Variants in PRR29 observed in about 807,000 individuals in gnomAD.
PRR29 encodes proline-rich protein 29.
A neutral mutation model predicts 25.1 loss-of-function variants in PRR29; 20 were observed. That is an observed-to-expected ratio of 0.80 (90% confidence interval 0.56 to 1.16). The LOEUF is 1.16. PRR29 is among the 50% of genes most tolerant of loss of function. The pLI, the probability that PRR29 is intolerant of heterozygous loss-of-function variation, is 0.00. For missense variants in PRR29, 238 were observed against 246.6 expected (o/e 0.97, Z 0.23); for synonymous variants, 108 against 102.6 (o/e 1.05, Z -0.32).
chr17:64,001,720 C>T lies in PRR29; in HGVS notation c.542-13C>T, dbSNP rs1910777102. 6.5e-7 allele frequency: 1 copy of T among 1,536,658 alleles called. No homozygotes were observed. Among genetic ancestry groups the T allele is most frequent in the Non-Finnish European group, 8.7e-7 (1 of 1,146,642 alleles). On this transcript the variant is annotated splice_polypyrimidine_tract_variant and intron_variant, in intron 5 of 5. Transcript: ENST00000412177. ...GACAGGAGGGAGTCAAGATGAGGTT[C>T]TTGTTTCCCCAGACTACTATGATGC...
chr17:63,999,357 C>A, intron 3 of PRR29: 1 of 514,914 alleles, frequency 1.9e-6, no homozygotes. Context: ...AGGTAGGCAC[C>A]CTGGTAACCC....
chr17:63,999,491 G>A (rs559985809), intron 3 of PRR29: 81 of 231,976 alleles, frequency 3.5e-4, no homozygotes, highest in South Asian at 3.0e-3. Flanking sequence ...TGGCTGTGAT[G>A]GCACATGGAG....
chr17:64,003,502 A>G lies in PRR29; in HGVS notation c.*1741A>G. ...GGGGACTTGGAAAGAACTTCAGGGA[A>G]GAGGGAGAGTAAGAGGGAAGCCTCA... On this transcript the variant is annotated 3_prime_UTR_variant, in exon 6 of 6. Coordinates refer to ENST00000412177, the MANE Select transcript of PRR29 (RefSeq NM_001164257.2). 1 of 756,516 alleles carries G rather than the reference A, an allele frequency of 1.3e-6. No homozygotes were observed. Among genetic ancestry groups the G allele is most frequent in the Non-Finnish European group, 2.2e-6 (1 of 456,206 alleles). 46.9% of individuals were successfully genotyped at this position (756,516 alleles called of 1,614,324 possible).
At position 64,003,250 on chromosome 17, in the gene PRR29, CCTT is replaced by C; in HGVS notation, c.*1493_*1495del. On this transcript the variant is annotated 3_prime_UTR_variant, in exon 6 of 6. Transcript: ENST00000412177. Reference sequence around the variant, plus strand: ...AGGGTGGCATGGTCCCAGCCAAGCCCCTTCTTGGGCAGAGCTGAGTGAACTTCA... The same window carrying C: ...AGGGTGGCATGGTCCCAGCCAAGCCCCTTGGGCAGAGCTGAGTGAACTTCA... 2.3e-6 allele frequency: 1 copy of C among 428,244 alleles called. No homozygotes were observed. The highest frequency in any genetic ancestry group is 2.0e-5 in the African/African-American group (1 of 50,536). 26.5% of individuals were successfully genotyped at this position (428,244 alleles called of 1,614,324 possible).
In PRR29 at chr17:64,003,035, C is replaced by T; in HGVS notation, c.*1274C>T. 1 of 850,946 alleles carries T rather than the reference C, an allele frequency of 1.2e-6. No homozygotes were observed. Among genetic ancestry groups the T allele is most frequent in the Non-Finnish European group, 1.8e-6 (1 of 548,368 alleles). 52.7% of individuals were successfully genotyped at this position (850,946 alleles called of 1,614,324 possible). A position where few individuals can be genotyped will look rare whatever the true frequency, so the allele number is the denominator to read the frequency against. ...CCAGACCCCCAGACCCCGCCGCCCG[C>T]TCATGCATCCAGCAGTCACCCCAGT... On this transcript the variant is annotated 3_prime_UTR_variant, in exon 6 of 6. Transcript: ENST00000412177.
Position 63,999,975 on chromosome 17 carries a change from T to C in PRR29, c.243+901T>C, listed in dbSNP as rs552578647. The C allele has an allele frequency of 6.6e-5, 10 of 152,606 alleles. No homozygotes were observed. The East Asian group carries it at 1.9e-3, about 29-fold the overall frequency. 9.5% of individuals were successfully genotyped at this position (152,606 alleles called of 1,614,324 possible). The stretch of plus-strand genomic sequence containing the variant: ...CTAAGGCTGAGCCTTACTCAGCCAA[T>C]AGTGGGCATCCTGAGGTCAGGAGAA... On this transcript the variant is annotated intron_variant, in intron 3 of 5. Transcript: ENST00000412177.
rs1399139681 is a variant in PRR29 at position 64,001,526 on chromosome 17, C to T, written c.530C>T (p.Pro177Leu). 4 of 1,517,672 alleles carry T rather than the reference C, an allele frequency of 2.6e-6. No individual in the cohort carries two copies. In the South Asian group the frequency reaches 3.7e-5, roughly 14 times the overall value. 94.0% of individuals were successfully genotyped at this position (1,517,672 alleles called of 1,614,324 possible). ...SATGTVGADVPPASDYYDAES... is the reference protein window; with the variant it reads ...SATGTVGADVLPASDYYDAES... ...ACAGGGACTGTGGGTGCTGATGTAC[C>T]CCCGGCTTCAGGTAGGGCTGGGGTG... Residue 177 changes from proline to leucine, a missense_variant, in exon 5 of 6, where the codon CCC (proline) becomes CTC (leucine). Transcript: ENST00000412177.
chr17:64,001,304 G>C lies in PRR29; in HGVS notation c.464G>C (p.Arg155Thr). Residue 155 changes from arginine (R) to threonine (T), a missense_variant, in exon 4 of 6, where the codon AGG becomes ACG. Transcript: ENST00000412177. ...CAGCACTGTCCTGCCTCCAGGGAAA[G>C]GGAGGTGTAAGTGAGGCTGGGTGCT... ...RIQHCPASRE[R>T]EVRAVPPPPP... is the part of the protein sequence containing the mutation. 2.0e-6 allele frequency: 3 copies of C among 1,535,482 alleles called. No individual in the cohort carries two copies. Among genetic ancestry groups the C allele is most frequent in the Non-Finnish European group, 2.6e-6 (3 of 1,145,464 alleles).
At position 63,998,796 on chromosome 17, in the gene PRR29, G is replaced by GGGGGCCCCCCCCCCCCCC; in HGVS notation, c.136+14_136+15insGGGGCCCCCCCCCCCCCC. On this transcript the variant is annotated intron_variant, in intron 2 of 5. Transcript: ENST00000412177. The stretch of plus-strand genomic sequence containing the variant: ...GCGTGAAGGAAGGTGAGACTCCCGG[G>GGGGGCCCCCCCCCCCCCC]TCCCCCCACCCCACCCCCACCATCA... 2 of 1,345,614 alleles carry GGGGGCCCCCCCCCCCCCC rather than the reference G, an allele frequency of 1.5e-6. No individual in the cohort carries two copies. Among genetic ancestry groups the GGGGGCCCCCCCCCCCCCC allele is most frequent in the Non-Finnish European group, 2.0e-6 (2 of 975,988 alleles). 83.4% of individuals were successfully genotyped at this position (1,345,614 alleles called of 1,614,324 possible). A position where few individuals can be genotyped will look rare whatever the true frequency, so the allele number is the denominator to read the frequency against.
chr17:64,001,035 G>T, intron 3 of PRR29, 49 bp from the exon 4 acceptor site: 1 of 1,433,878 alleles, frequency 7.0e-7, no homozygotes, highest in Non-Finnish European at 9.5e-7. Context: ...GGTGGGGAGA[G>T]CCTGATGGTA....
Position 64,002,559 on chromosome 17 carries a change from T to C in PRR29, c.*798T>C. ...CCATGGTGGCTCCCCTCCCTGGCCA[T>C]TGTTATCCCAGGAGGAGACACTGTG... is the stretch of plus-strand genomic sequence containing the variant. On this transcript the variant is annotated 3_prime_UTR_variant, in exon 6 of 6. Coordinates refer to ENST00000412177, the MANE Select transcript of PRR29 (RefSeq NM_001164257.2). The C allele has an allele frequency of 1.7e-6, 1 of 589,374 alleles. No individual in the cohort carries two copies. Among genetic ancestry groups the C allele is most frequent in the Non-Finnish European group, 2.9e-6 (1 of 340,272 alleles). 36.5% of individuals were successfully genotyped at this position (589,374 alleles called of 1,614,324 possible). A position where few individuals can be genotyped will look rare whatever the true frequency, so the allele number is the denominator to read the frequency against.
In PRR29 at chr17:64,004,091, C is replaced by T; in HGVS notation, c.*2330C>T. Reference sequence around the variant, plus strand: ...TGGGGAGGAGGTGGCCTGGCCGGCTCCAGTGCAGAGAGGAAGAGGGCAGCA... The same window carrying T: ...TGGGGAGGAGGTGGCCTGGCCGGCTTCAGTGCAGAGAGGAAGAGGGCAGCA... On this transcript the variant is annotated 3_prime_UTR_variant, in exon 6 of 6. Transcript: ENST00000412177. 1 of 687,398 alleles carries T rather than the reference C, an allele frequency of 1.5e-6. No homozygotes were observed. The highest frequency in any genetic ancestry group is 1.9e-5 in the South Asian group (1 of 53,120). 42.6% of individuals were successfully genotyped at this position (687,398 alleles called of 1,614,324 possible). A position where few individuals can be genotyped will look rare whatever the true frequency, so the allele number is the denominator to read the frequency against.
rs1477506062 is a variant in PRR29 at position 64,002,625 on chromosome 17, A to T, written c.*864A>T. ...CCAGGTGTTTGTATTCGGGCTAGAA[A>T]AGGCAATGTCCCAAGTCTCTGCTGC... On this transcript the variant is annotated 3_prime_UTR_variant, in exon 6 of 6. Transcript: ENST00000412177. 3.5e-6 allele frequency: 3 copies of T among 853,480 alleles called. No individual in the cohort carries two copies. The highest frequency in any genetic ancestry group is 3.6e-6 in the Non-Finnish European group (2 of 555,368). The allele number at this position is 853,480 out of a possible 1,614,324, so 52.9% of individuals were successfully genotyped here. A position where few individuals can be genotyped will look rare whatever the true frequency, so the allele number is the denominator to read the frequency against.
Position 63,998,797 on chromosome 17 carries a change from T to TGGCCCCCCCCCCCCCCCCCC in PRR29, c.136+15_136+16insGGCCCCCCCCCCCCCCCCCC. 9.4e-7 allele frequency: 1 copy of TGGCCCCCCCCCCCCCCCCCC among 1,062,606 alleles called. No individual in the cohort carries two copies. The highest frequency in any genetic ancestry group is 1.3e-6 in the Non-Finnish European group (1 of 761,704). 65.8% of individuals were successfully genotyped at this position (1,062,606 alleles called of 1,614,324 possible). A position where few individuals can be genotyped will look rare whatever the true frequency, so the allele number is the denominator to read the frequency against. On this transcript the variant is annotated intron_variant, in intron 2 of 5. Transcript: ENST00000412177. ...CGTGAAGGAAGGTGAGACTCCCGGG[T>TGGCCCCCCCCCCCCCCCCCC]CCCCCCACCCCACCCCCACCATCAC...
At chr17:64,000,819 AT>A (rs55731979) in intron 3 of PRR29, 16,619 of 304,404 alleles carry the variant, frequency 0.055, 147 homozygotes, top group Admixed American at 0.12. Flanking sequence ...TGCCCAGCTA[AT>A]TTTTTTTTTT....
At position 64,003,868 on chromosome 17, in the gene PRR29, A is replaced by T; in HGVS notation, c.*2107A>T. 6.2e-7 allele frequency: 1 copy of T among 1,614,248 alleles called. No homozygotes were observed. Among genetic ancestry groups the T allele is most frequent in the Non-Finnish European group, 8.5e-7 (1 of 1,180,034 alleles). ...GAACAGGAAGAGGGTGAGGCTGTCC[A>T]GGGGCTCCACGGTGGGCACCCTGCA... On this transcript the variant is annotated 3_prime_UTR_variant, in exon 6 of 6. Transcript: ENST00000412177.
rs1323420916 is a variant in PRR29 at position 63,998,713 on chromosome 17, G to A, written c.67G>A (p.Val23Ile). ...PPQSAVPTPW[V>I]TFLQPLSWAV... The stretch of plus-strand genomic sequence containing the variant: ...ACTCCGCGCACACCCCCAGCCCTGG[G>A]TCACCTTCCTGCAGCCCCTCTCGTG... Residue 23 changes from valine to isoleucine, a missense_variant, in exon 2 of 6, where the codon GTC (valine) becomes ATC (isoleucine). Transcript: ENST00000412177. The A allele has an allele frequency of 1.3e-6, 2 of 1,525,790 alleles. No individual in the cohort carries two copies. Among genetic ancestry groups the A allele is most frequent in the Non-Finnish European group, 1.8e-6 (2 of 1,141,418 alleles). The allele number at this position is 1,525,790 out of a possible 1,614,324, so 94.5% of individuals were successfully genotyped here. A position where few individuals can be genotyped will look rare whatever the true frequency, so the allele number is the denominator to read the frequency against.
rs1238216070 is a variant in PRR29 at position 64,003,568 on chromosome 17, G to A, written c.*1807G>A. ...TCCTGGGTGTTTGCTTCCCAAGTGGGACTCAAGATTTTTCTTCCCCCGAGG... is the reference window on the plus strand; with the variant it reads ...TCCTGGGTGTTTGCTTCCCAAGTGGAACTCAAGATTTTTCTTCCCCCGAGG... On this transcript the variant is annotated 3_prime_UTR_variant, in exon 6 of 6. Transcript: ENST00000412177. 1 of 1,353,670 alleles carries A rather than the reference G, an allele frequency of 7.4e-7. No individual in the cohort carries two copies. Among genetic ancestry groups the A allele is most frequent in the Non-Finnish European group, 1.0e-6 (1 of 968,578 alleles). 83.9% of individuals were successfully genotyped at this position (1,353,670 alleles called of 1,614,324 possible).
intron 3 of PRR29, 91 bp from the exon 4 acceptor site, chr17:64,000,993 G>A: frequency 9.0e-7 from 1 of 1,113,608 alleles, no homozygotes; most frequent in Non-Finnish European, 1.3e-6. Flanking sequence ...AGCCTATCTG[G>A]AGGAAATAAC....
Sources: allele counts gnomAD v4.1 joint callset, GRCh38; gene constraint gnomAD v4.1.1; transcripts MANE v1.5; gene names NCBI Gene and HGNC (gene_info 2026-07-23, HGNC 2026-07-21).